Variants in CASZ1 observed in about 807,000 individuals in gnomAD.
CASZ1 encodes zinc finger protein castor homolog 1.
In CASZ1, 28 loss-of-function variants were observed where a neutral mutation model predicts 135.2. That is an observed-to-expected ratio of 0.21 (90% CI 0.15 to 0.28). The LOEUF is 0.28. Ranked by LOEUF, CASZ1 falls within the 10% of genes least tolerant of loss-of-function variation. CASZ1 has a pLI of 1.00. For synonymous variants in CASZ1, 1,068 were observed against 1,073.4 expected (o/e 0.99, Z 0.10); for missense variants, 2,161 against 2,453.3 (o/e 0.88, Z 2.52).
intron 2 of CASZ1, among the ~76,000 whole-genome samples, chr1:10,744,846 C>T (rs1446015144): frequency 3.3e-5 from 5 of 152,142 alleles, no homozygotes; most frequent in East Asian, 1.9e-4. Flanking sequence ...GCAGGAGAGC[C>T]GTGACCTCAC....
Position 10,755,032 on chromosome 1 carries a change from G to A in CASZ1, c.-77+5669C>T, listed in dbSNP as rs1318414539. ...AGAAAAGCCCCTGCTTCGGAGGAAA[G>A]CCAAGGAGCCGGACCAGAGAGAAAA... is the stretch of plus-strand genomic sequence containing the variant. On this transcript the variant is annotated intron_variant, in intron 2 of 20. Transcript: ENST00000377022. This position sits in a 1 kb window ranked among gnomAD's most constrained non-coding sequence, Gnocchi z 4.3. Among the ~76,000 whole-genome samples the A allele has an allele frequency of 6.6e-6, 1 of 152,206 alleles. No individual in the cohort carries two copies. Among genetic ancestry groups the A allele is most frequent in the African/African-American group, 2.4e-5 (1 of 41,446 alleles).
rs934607805 is a variant in CASZ1 at position 10,757,546 on chromosome 1, G to T, written c.-77+3155C>A. The stretch of plus-strand genomic sequence containing the variant: ...CTCATGCCTGTAATCCCAGCACCTT[G>T]GGGGGCTGAGGTGGGTGGATCACTT... On this transcript the variant is annotated intron_variant, in intron 2 of 20. Coordinates refer to ENST00000377022, the MANE Select transcript of CASZ1 (RefSeq NM_001079843.3). This position sits in a 1 kb window ranked among gnomAD's most constrained non-coding sequence, Gnocchi z 4.6. 5.3e-5 allele frequency among the ~76,000 whole-genome samples: 8 copies of T among 152,148 alleles called. No homozygotes were observed. Among genetic ancestry groups the T allele is most frequent in the African/African-American group, 1.9e-4 (8 of 41,402 alleles).
chr1:10,766,843 G>T (rs999257920), intron 1 of CASZ1, among the ~76,000 whole-genome samples: 8 of 152,192 alleles, frequency 5.3e-5, no homozygotes, highest in Non-Finnish European at 2.9e-5. Context: ...GCGAGTGGAG[G>T]GTTGAAGAAC....
intron 2 of CASZ1, among the ~76,000 whole-genome samples, chr1:10,712,403 G>GTAAATT (rs1323925317): frequency 2.0e-5 from 3 of 152,142 alleles, no homozygotes; most frequent in African/African-American, 7.2e-5. Context: ...GGTTACAATG[G>GTAAATT]TAAATTTTAC....
Position 10,725,766 on chromosome 1 carries a change from C to G in CASZ1, c.-76-20222G>C, listed in dbSNP as rs964263815. ...CCCAGAGAGGATGATCCTGGGGAAC[C>G]CTGGACAGGTGAGTGACAAGACAGC... is the stretch of plus-strand genomic sequence containing the variant. On this transcript the variant is annotated intron_variant, in intron 2 of 20. Coordinates refer to ENST00000377022, the MANE Select transcript of CASZ1 (RefSeq NM_001079843.3). The surrounding 1 kb of genome is among the most constrained non-coding windows in gnomAD (Gnocchi z 4.4). Among the ~76,000 whole-genome samples the G allele has an allele frequency of 4.0e-5, 6 of 151,482 alleles. No homozygotes were observed. Among genetic ancestry groups the G allele is most frequent in the East Asian group, 1.9e-4 (1 of 5,164 alleles).
Position 10,647,792 on chromosome 1 carries a change from G to C in CASZ1, c.3497+9C>G. On this transcript the variant is annotated intron_variant, in intron 16 of 20. Transcript: ENST00000377022. This position sits in a 1 kb window ranked among gnomAD's most constrained non-coding sequence, Gnocchi z 4.9. ...GAACGCGGGACTCCCGGCTCATCGAGGGACTCACTTCTCCTGGAACTGGAG... is the reference window on the plus strand; with the variant it reads ...GAACGCGGGACTCCCGGCTCATCGACGGACTCACTTCTCCTGGAACTGGAG... 6.2e-7 allele frequency: 1 copy of C among 1,613,276 alleles called. No individual in the cohort carries two copies. The highest frequency in any genetic ancestry group is 2.2e-5 in the East Asian group (1 of 44,884).
Position 10,693,876 on chromosome 1 carries a change from G to A in CASZ1, c.14C>T (p.Thr5Ile), listed in dbSNP as rs201782753. 51 of 1,613,006 alleles carry A rather than the reference G, an allele frequency of 3.2e-5. No individual in the cohort carries two copies. The highest frequency in any genetic ancestry group is 4.1e-5 in the Non-Finnish European group (48 of 1,179,384). Residue 5 changes from threonine (T) to isoleucine (I), a missense_variant and splice_region_variant, in exon 4 of 21, where the codon ACA becomes ATA. Around this residue, in one of 7 missense-constraint regions of CASZ1, gnomAD observed 590 missense variants for 609.8 expected, o/e 0.97. Transcript: ENST00000377022. ...CCTGCGTTCCCACCGGCCGGTACCT[G>A]TTCCAAGATCCATTCTCTTCTCCTT... MDLGTAEGTRCTDPP... is the reference protein window; with the variant it reads MDLGIAEGTRCTDPP...
In CASZ1 at chr1:10,775,029, G is replaced by A. The variant is rs115193051; in HGVS notation, c.-233-14172C>T. Among the ~76,000 whole-genome samples the A allele has an allele frequency of 2.6e-3, 400 of 151,758 alleles. 1 individual carries two copies. The highest frequency in any genetic ancestry group is 9.4e-3 in the African/African-American group (389 of 41,354). ...CACCGAGAAAACCTCACCAGACCTA[G>A]GGTTGGGGCTGGAAACCGGCGACAC... On this transcript the variant is annotated intron_variant, in intron 1 of 20. Transcript: ENST00000377022.
intron 4 of CASZ1, among the ~76,000 whole-genome samples, chr1:10,675,525 T>TCCTC (rs1185398613): frequency 1.3e-5 from 2 of 152,018 alleles, no homozygotes; most frequent in African/African-American, 4.8e-5. Context: ...CTCAGGCACT[T>TCCTC]CCGGGAGCCC....
intron 2 of CASZ1, among the ~76,000 whole-genome samples, chr1:10,715,678 C>T (rs1421360088): frequency 4.3e-5 from 6 of 139,344 alleles, no homozygotes; most frequent in Admixed American, 7.1e-5. Flanking sequence ...GCACCCAATC[C>T]GCTCCCTGCA....
At chr1:10,729,666 T>G (rs556812548) in intron 2 of CASZ1, among the ~76,000 whole-genome samples, 3 of 152,336 alleles carry the variant, frequency 2.0e-5, no homozygotes, top group African/African-American at 7.2e-5. Context: ...CGTGCCCTAT[T>G]CAACGTGGGG....
At chr1:10,780,645 A>AACTT (rs1224065337) in intron 1 of CASZ1, among the ~76,000 whole-genome samples, 1 of 152,244 alleles carries the variant, frequency 6.6e-6, no homozygotes, top group Non-Finnish European at 1.5e-5. Context: ...GTCTCATGAT[A>AACTT]GTTAAGTTAG....
intron 2 of CASZ1, among the ~76,000 whole-genome samples, chr1:10,737,929 C>A (rs1159768001): frequency 6.6e-6 from 1 of 152,240 alleles, no homozygotes; most frequent in African/African-American, 2.4e-5. Context: ...GCTGGGGACA[C>A]AAGCTCAGCC....
intron 1 of CASZ1, among the ~76,000 whole-genome samples, chr1:10,790,230 G>C (rs11121623): frequency 0.21 from 32,126 of 152,136 alleles, 4,122 homozygotes; most frequent in East Asian, 0.39. Context: ...ACCAACACGG[G>C]GTGCTGGCAA....
At chr1:10,705,180 T>G (rs537437154) in intron 3 of CASZ1, among the ~76,000 whole-genome samples, 1 of 152,356 alleles carries the variant, frequency 6.6e-6, no homozygotes, top group African/African-American at 2.4e-5. Context: ...CTGGGTAACC[T>G]GAGCCCAGCC....
chr1:10,686,921 C>T (rs1638611826), intron 4 of CASZ1, among the ~76,000 whole-genome samples: 1 of 152,228 alleles, frequency 6.6e-6, no homozygotes, highest in South Asian at 2.1e-4. Context: ...CAGTGGAGAG[C>T]CGGGTCATCC....
chr1:10,643,026 G>C lies in CASZ1; in HGVS notation c.4021-26C>G, dbSNP rs74722971. On this transcript the variant is annotated intron_variant, in intron 19 of 20. Transcript: ENST00000377022. ...CTGAAAGGACACGGGGGTCCCTGAG[G>C]AAGTGGGGCTGTGGGGTATGCTGCC... is the stretch of plus-strand genomic sequence containing the variant. 33,474 of 1,608,700 alleles carry C rather than the reference G, an allele frequency of 0.021. 647 individuals are homozygous for C. Among genetic ancestry groups the C allele is most frequent in the East Asian group, 0.064 (2,885 of 44,758 alleles).
At position 10,660,518 on chromosome 1, in the gene CASZ1, C is replaced by T. The variant is rs148246975; in HGVS notation, c.524G>A (p.Arg175Gln). ...RQASGEASSL[R>Q]DYAASTMTEF... Reference sequence around the variant, plus strand: ...GGTCATGGTGGAGGCCGCGTAGTCCCGCAGCGAGGAGGCCTCTCCTGCAGA... The same window carrying T: ...GGTCATGGTGGAGGCCGCGTAGTCCTGCAGCGAGGAGGCCTCTCCTGCAGA... The change falls in exon 6 of 21, where the codon CGG becomes CAG. Residue 175 changes from arginine to glutamine, a missense_variant. By Grantham distance (43) the Arg-to-Gln change is conservative. Around this residue, in one of 7 missense-constraint regions of CASZ1, gnomAD observed 590 missense variants for 609.8 expected, o/e 0.97. Transcript: ENST00000377022. 2.6e-5 allele frequency: 42 copies of T among 1,612,896 alleles called. No individual in the cohort carries two copies. The highest frequency in any genetic ancestry group is 8.0e-5 in the African/African-American group (6 of 74,916).
intron 4 of CASZ1, among the ~76,000 whole-genome samples, chr1:10,689,026 A>C (rs150704488): frequency 2.0e-5 from 3 of 152,196 alleles, no homozygotes; most frequent in Non-Finnish European, 2.9e-5. Context: ...AGCAGCGGCC[A>C]GGGTGGTCAG....
Sources: gnomAD v4.1 joint callset for allele counts (sites outside exome capture counted in the v4.1 genomes callset) on GRCh38, gnomAD v4.1.1 for gene constraint, gnomAD v4.1.1 regional missense constraint, Gnocchi (gnomAD v3.1) non-coding constraint, MANE v1.5 for transcripts, NCBI Gene and HGNC (gene_info 2026-07-23, HGNC 2026-07-21) for gene names.